The following KIF11 variants were observed in gnomAD, a reference collection of about 807,000 sequenced individuals.
The protein encoded by KIF11 is kinesin-like protein KIF11.
Under a neutral mutation model 121.0 loss-of-function variants are expected in KIF11, and 9 were observed. The ratio of observed to expected loss-of-function variants is 0.07; its 90% CI spans 0.04 to 0.13. KIF11 has a LOEUF of 0.13. Among genes scored for constraint, KIF11 ranks in the 10% least tolerant of loss-of-function variants. The pLI is 1.00. For synonymous variants in KIF11, 408 were observed against 421.0 expected (o/e 0.97, Z 0.38); for missense variants, 846 against 1,217.5 (o/e 0.69, Z 4.54).
chr10:92,649,449 C>T (rs754222459), intron 19 of KIF11, among the ~76,000 whole-genome samples: 23 of 152,068 alleles, frequency 1.5e-4, no homozygotes, highest in Non-Finnish European at 3.1e-4. Context: ...AATATTTAAC[C>T]ACCACACCAC....
chr10:92,600,362 A>G (rs1298156945), intron 1 of KIF11, among the ~76,000 whole-genome samples: 2 of 152,134 alleles, frequency 1.3e-5, no homozygotes, highest in African/African-American at 2.4e-5. Context: ...CATGATGTGC[A>G]GGTTTATCAC....
chr10:92,621,432 C>A lies in KIF11; in HGVS notation c.1176C>A (p.Ala392=). 6.2e-7 allele frequency: 1 copy of A among 1,613,038 alleles called. No individual in the cohort carries two copies. Among genetic ancestry groups the A allele is most frequent in the Non-Finnish European group, 8.5e-7 (1 of 1,179,336 alleles). The part of the protein sequence containing the change: ...IERLKRDLAA[A]REKNGVYISE... ...GTTTAAAACGAGATCTTGCTGCAGC[C>A]CGTGAGAAAAATGGAGTGTATATTT... The change falls in exon 10 of 22, where the codon GCC becomes GCA. Residue 392 remains alanine, a synonymous_variant. Coordinates refer to ENST00000260731, the MANE Select transcript of KIF11 (RefSeq NM_004523.4).
At chr10:92,605,922 A>G (rs867541461) in intron 1 of KIF11, among the ~76,000 whole-genome samples, 2 of 152,200 alleles carry the variant, frequency 1.3e-5, no homozygotes, top group African/African-American at 2.4e-5. Flanking sequence ...GAGGTGGGAT[A>G]ATCACTTGAG....
intron 9 of KIF11, among the ~76,000 whole-genome samples, chr10:92,619,497 C>T (rs1170263415): frequency 6.6e-6 from 1 of 152,092 alleles, no homozygotes; most frequent in Non-Finnish European, 1.5e-5. Context: ...TTTTATTTCT[C>T]TGGGATAATT....
chr10:92,651,657 G>A (rs940430527), intron 21 of KIF11, among the ~76,000 whole-genome samples: 25 of 150,526 alleles, frequency 1.7e-4, no homozygotes, highest in African/African-American at 5.6e-4. Context: ...GTGAGCCACC[G>A]GCCCGGCCCC....
chr10:92,627,167 A>C (rs527670447), intron 10 of KIF11, among the ~76,000 whole-genome samples: 1 of 152,226 alleles, frequency 6.6e-6, no homozygotes, highest in African/African-American at 2.4e-5. Flanking sequence ...AGTCAACAAT[A>C]TCTCTAGCTA....
chr10:92,598,364 TTGAA>T (rs1359318445), intron 1 of KIF11, among the ~76,000 whole-genome samples: 1 of 152,234 alleles, frequency 6.6e-6, no homozygotes, highest in Non-Finnish European at 1.5e-5. Flanking sequence ...CTTTTTCTGA[TTGAA>T]TGGTCTTGGC....
In KIF11 at chr10:92,636,893, T is replaced by C. The variant is rs369342842; in HGVS notation, c.1876-291T>C. Among the ~76,000 whole-genome samples the C allele has an allele frequency of 3.3e-4, 50 of 149,954 alleles. No individual in the cohort carries two copies. In the East Asian group the frequency reaches 6.4e-3, roughly 19 times the overall value. On this transcript the variant is annotated intron_variant, in intron 14 of 21. Coordinates refer to ENST00000260731, the MANE Select transcript of KIF11 (RefSeq NM_004523.4). ...ACTAAAAATACAAAAATTAGCTGGGTGTGGTGGCTCACACCTATAATCCCA... is the reference window on the plus strand; with the variant it reads ...ACTAAAAATACAAAAATTAGCTGGGCGTGGTGGCTCACACCTATAATCCCA...
intron 21 of KIF11, among the ~76,000 whole-genome samples, chr10:92,651,548 T>TTTTTTTTTTTG (rs1844984273): frequency 1.7e-5 from 2 of 117,108 alleles, no homozygotes; most frequent in Non-Finnish European, 3.5e-5. Context: ...TTTTTTTTTT[T>TTTTTTTTTTTG]AGTAGAGGGG....
intron 4 of KIF11, among the ~76,000 whole-genome samples, 167 bp from the exon 5 acceptor site, chr10:92,608,853 T>G (rs1335407929): frequency 6.6e-6 from 1 of 152,238 alleles, no homozygotes; most frequent in East Asian, 1.9e-4. Context: ...TAGAACAGAC[T>G]GTTGTAAATG....
chr10:92,605,366 TTAGTCATTA>T (rs1360886586), intron 1 of KIF11, among the ~76,000 whole-genome samples: 1 of 152,194 alleles, frequency 6.6e-6, no homozygotes, highest in Non-Finnish European at 1.5e-5. Context: ...ACTCAACTTA[TTAGTCATTA>T]TTTTTATGTA....
chr10:92,609,240 T>C (rs372462033), intron 5 of KIF11, 35 bp downstream of exon 5: 2 of 1,535,934 alleles, frequency 1.3e-6, no homozygotes, highest in African/African-American at 2.8e-5. Context: ...TGTCTCTGAA[T>C]TTTAATGTGT....
chr10:92,652,348 C>CA (rs1164245378), intron 21 of KIF11, among the ~76,000 whole-genome samples: 2 of 152,134 alleles, frequency 1.3e-5, no homozygotes, highest in African/African-American at 4.8e-5. Flanking sequence ...CCATGTTGGT[C>CA]AGGCTAATCT....
intron 6 of KIF11, among the ~76,000 whole-genome samples, chr10:92,612,124 CTTGT>C (rs1347582210): frequency 4.7e-5 from 7 of 150,020 alleles, no homozygotes; most frequent in African/African-American, 1.2e-4. Context: ...TTTTTGTTTG[CTTGT>C]TTGTTTTTTT....
At chr10:92,636,693 T>C (rs1564714474) in intron 14 of KIF11, among the ~76,000 whole-genome samples, 3 of 151,922 alleles carry the variant, frequency 2.0e-5, no homozygotes. Flanking sequence ...TGTAATATAA[T>C]AAATTATTGT....
At chr10:92,611,787 T>C (rs1402297682) in intron 6 of KIF11, among the ~76,000 whole-genome samples, 2 of 152,032 alleles carry the variant, frequency 1.3e-5, no homozygotes, top group East Asian at 1.9e-4. Context: ...TAATCCCAGA[T>C]ACTCGGTAGG....
intron 3 of KIF11, 133 bp from the exon 4 acceptor site, chr10:92,607,026 C>T (rs1667113793): frequency 3.2e-6 from 2 of 626,180 alleles, no homozygotes; most frequent in East Asian, 2.8e-5. Context: ...ATCCGCCCAC[C>T]TCGGCCTCCC....
Position 92,613,195 on chromosome 10 carries a change from G to A in KIF11, c.789+65G>A. Reference sequence around the variant, plus strand: ...ACCTTATAGAGCAGCTTGAAATTTTGTCCTTGAGACAAAATTTTTGTGGTC... The same window carrying A: ...ACCTTATAGAGCAGCTTGAAATTTTATCCTTGAGACAAAATTTTTGTGGTC... On this transcript the variant is annotated intron_variant, in intron 7 of 21. Coordinates refer to ENST00000260731, the MANE Select transcript of KIF11 (RefSeq NM_004523.4). This position sits in a 1 kb window ranked among gnomAD's most constrained non-coding sequence, Gnocchi z 4.2. 1.5e-6 allele frequency: 2 copies of A among 1,338,608 alleles called. No individual in the cohort carries two copies. Among genetic ancestry groups the A allele is most frequent in the Non-Finnish European group, 2.1e-6 (2 of 964,704 alleles). 82.9% of individuals were successfully genotyped at this position (1,338,608 alleles called of 1,614,324 possible). A position where few individuals can be genotyped will look rare whatever the true frequency, so the allele number is the denominator to read the frequency against.
intron 9 of KIF11, 39 bp downstream of exon 9, chr10:92,616,871 G>C: frequency 8.8e-7 from 1 of 1,138,842 alleles, no homozygotes; most frequent in Non-Finnish European, 1.3e-6. Flanking sequence ...AATCTTGTTT[G>C]ACAAATGTGA....
Sources: gnomAD v4.1 joint callset for allele counts (sites outside exome capture counted in the v4.1 genomes callset) on GRCh38, gnomAD v4.1.1 for gene constraint, Gnocchi (gnomAD v3.1) non-coding constraint, MANE v1.5 for transcripts, NCBI Gene and HGNC (gene_info 2026-07-23, HGNC 2026-07-21) for gene names.